Variants in SNX29 observed in about 807,000 individuals in gnomAD.
SNX29 encodes sorting nexin-29.
In SNX29, 78 loss-of-function variants were observed where a neutral mutation model predicts 102.1. That is an observed-to-expected ratio of 0.76 (90% CI 0.64 to 0.92). The LOEUF (loss-of-function observed/expected upper bound fraction) is 0.92. Ranked by LOEUF, SNX29 falls within the 40% of genes least tolerant of loss-of-function variation. The pLI is 0.00. For synonymous variants in SNX29, 580 were observed against 414.5 expected, an observed-to-expected ratio of 1.40 and a Z score of -4.85; for missense variants, 1,280 against 1,061.7, an observed-to-expected ratio of 1.21 and a Z score of -2.86.
chr16:12,273,159 C>T lies in SNX29; in HGVS notation c.1679-4774C>T, dbSNP rs182986884. Among the ~76,000 whole-genome samples, 188 of 152,196 alleles carry T rather than the reference C, an allele frequency of 1.2e-3. 1 individual carries two copies. Among genetic ancestry groups the T allele is most frequent in the African/African-American group, 4.1e-3 (171 of 41,524 alleles). ...CCTTCAGGCACTGTAGGCCGCCTCC[C>T]GCTTGCACCCAAGGCAGTCTCTCCT... is the stretch of plus-strand genomic sequence containing the variant. On this transcript the variant is annotated intron_variant, in intron 14 of 20. Coordinates refer to ENST00000566228, the MANE Select transcript of SNX29 (RefSeq NM_032167.5).
rs1424394816 is a variant in SNX29, at chr16:12,527,437, T to A, written c.2318+2596T>A. On this transcript the variant is annotated intron_variant, in intron 20 of 20. Transcript: ENST00000566228. ...TTATTCTTATAAATTTTGACAGATT[T>A]TCTCCTTGGTTCTTTCAAATGTTGA... 6 of 431,622 alleles carry A rather than the reference T, an allele frequency of 1.4e-5. No individual in the cohort carries two copies. In the Admixed American group the frequency reaches 2.0e-4, roughly 15 times the overall value. The allele number at this position is 431,622 out of a possible 1,614,324, so 26.7% of individuals were successfully genotyped here.
At chr16:12,458,935 A>G (rs1005581508) in intron 18 of SNX29, among the ~76,000 whole-genome samples, 2 of 152,234 alleles carry the variant, frequency 1.3e-5, no homozygotes, top group African/African-American at 4.8e-5. Flanking sequence ...TGGCTAAAAC[A>G]AAACAATTTT....
intron 15 of SNX29, among the ~76,000 whole-genome samples, chr16:12,347,126 A>G (rs2081836937): frequency 1.3e-5 from 2 of 152,052 alleles, no homozygotes; most frequent in South Asian, 4.1e-4. Context: ...GGCTTGTTGC[A>G]GAGGTGATCA....
At chr16:12,202,146 A>T (rs7204349) in intron 14 of SNX29, among the ~76,000 whole-genome samples, 10,346 of 152,166 alleles carry the variant, frequency 0.068, 849 homozygotes, top group African/African-American at 0.2. Flanking sequence ...ATTCTTGTGT[A>T]AAAAGCCTCC....
chr16:12,073,351 C>T lies in SNX29; in HGVS notation c.1319+4219C>T, dbSNP rs1346383774. ...TCTACACACTGCTTCAAATGTGTCC[C>T]AGAGATTCTGGTATGTTGTGTCTTT... On this transcript the variant is annotated intron_variant, in intron 10 of 20. Coordinates refer to ENST00000566228, the MANE Select transcript of SNX29 (RefSeq NM_032167.5). Among the ~76,000 whole-genome samples, 3 of 152,026 alleles carry T rather than the reference C, an allele frequency of 2.0e-5. No homozygotes were observed. In the East Asian group the frequency reaches 5.8e-4, roughly 29 times the overall value.
intron 14 of SNX29, among the ~76,000 whole-genome samples, chr16:12,263,408 G>T (rs1213280306): frequency 6.6e-6 from 1 of 152,184 alleles, no homozygotes; most frequent in East Asian, 1.9e-4. Flanking sequence ...AATTACAGGT[G>T]TGAGCCACCG....
intron 15 of SNX29, among the ~76,000 whole-genome samples, chr16:12,331,535 C>T (rs1420444137): frequency 6.6e-6 from 1 of 152,102 alleles, no homozygotes; most frequent in Non-Finnish European, 1.5e-5. Flanking sequence ...GAAATGAGAA[C>T]ACAGAAGACC....
At chr16:12,249,964 G>A (rs1010005662) in intron 14 of SNX29, among the ~76,000 whole-genome samples, 1 of 152,208 alleles carries the variant, frequency 6.6e-6, no homozygotes, top group African/African-American at 2.4e-5. Context: ...GGAGTTGGCA[G>A]GTGGGGAGGG....
rs1001870748 is a variant in SNX29, at chr16:12,511,569, A to T, written c.2179-13133A>T. ...AGCCCTTGTTCCTTTCCTGAAATAG[A>T]GACATGCTTTCCTCCCTGTGTTTGC... On this transcript the variant is annotated intron_variant, in intron 19 of 20. Coordinates refer to ENST00000566228, the MANE Select transcript of SNX29 (RefSeq NM_032167.5). Among the ~76,000 whole-genome samples, 3 of 152,178 alleles carry T rather than the reference A, an allele frequency of 2.0e-5. No individual in the cohort carries two copies. The South Asian group carries it at 6.2e-4, about 32-fold the overall frequency.
intron 11 of SNX29, chr16:12,081,429 A>G (rs1409809948): frequency 6.6e-6 from 1 of 152,214 alleles, no homozygotes; most frequent in African/African-American, 2.4e-5. Flanking sequence ...TCCTGCCATC[A>G]GGATGCTCTT....
At position 12,141,688 on chromosome 16, in the gene SNX29, T is replaced by C. The variant is rs539569186; in HGVS notation, c.1595+11930T>C. ...TTGCCGTGGCATTTGTAAACTGTCA[T>C]GGTGCTGGTGGGAATGTCCTTAGCA... On this transcript the variant is annotated intron_variant, in intron 13 of 20. Coordinates refer to ENST00000566228, the MANE Select transcript of SNX29 (RefSeq NM_032167.5). Among the ~76,000 whole-genome samples, 133 of 152,358 alleles carry C rather than the reference T, an allele frequency of 8.7e-4. 1 individual carries two copies. The highest frequency in any genetic ancestry group is 2.9e-3 in the African/African-American group (122 of 41,582).
intron 15 of SNX29, 150 bp from the exon 16 acceptor site, chr16:12,356,013 G>C: frequency 1.5e-6 from 1 of 655,464 alleles, no homozygotes; most frequent in Non-Finnish European, 2.7e-6. Context: ...GGATTGCATG[G>C]TTCACAGGTA....
At chr16:12,017,374 A>C (rs2056883100) in intron 3 of SNX29, among the ~76,000 whole-genome samples, 1 of 151,716 alleles carries the variant, frequency 6.6e-6, no homozygotes. Flanking sequence ...TGATTTCTTC[A>C]CCTTCTGTGC....
intron 20 of SNX29, among the ~76,000 whole-genome samples, chr16:12,566,052 T>C (rs2078991057): frequency 6.6e-6 from 1 of 152,242 alleles, no homozygotes; most frequent in Non-Finnish European, 1.5e-5. Context: ...GAATGTTCAC[T>C]GTTGCCCATT....
rs1596454076 is a variant in SNX29, at chr16:12,183,321, A to T, written c.1596-16280A>T. Among the ~76,000 whole-genome samples the T allele has an allele frequency of 1.3e-5, 2 of 152,208 alleles. 1 individual carries two copies. The highest frequency in any genetic ancestry group is 6.8e-3 in the Middle Eastern group (2 of 294). On this transcript the variant is annotated intron_variant, in intron 13 of 20. Coordinates refer to ENST00000566228, the MANE Select transcript of SNX29 (RefSeq NM_032167.5). ...TAGACAAATACTTTGTATTTTTTTT[A>T]AATTTCCTTTTTATTTTGAGAAATT...
At chr16:12,155,889 G>A (rs557968876) in intron 13 of SNX29, among the ~76,000 whole-genome samples, 4 of 152,308 alleles carry the variant, frequency 2.6e-5, no homozygotes, top group African/African-American at 9.6e-5. Flanking sequence ...TCACTCCTCT[G>A]CTCAAGATCC....
rs2162794 is a variant in SNX29 at position 12,559,206 on chromosome 16, G to A, written c.2319-9300G>A. Among the ~76,000 whole-genome samples the A allele has an allele frequency of 4.9e-4, 75 of 151,950 alleles. 1 individual carries two copies. Among genetic ancestry groups the A allele is most frequent in the Middle Eastern group, 6.8e-3 (2 of 294 alleles). On this transcript the variant is annotated intron_variant, in intron 20 of 20. Coordinates refer to ENST00000566228, the MANE Select transcript of SNX29 (RefSeq NM_032167.5). ...CTGGGCTACACAGTGGGTGAGCAGC[G>A]CTTCGTCTGTATTTACAGCCACTCC...
chr16:12,545,790 T>C (rs2077570685), intron 20 of SNX29, among the ~76,000 whole-genome samples: 1 of 151,872 alleles, frequency 6.6e-6, no homozygotes, highest in Non-Finnish European at 1.5e-5. Flanking sequence ...CTTTCACCAC[T>C]AGGCATACAG....
At chr16:12,248,028 G>A (rs1193046309) in intron 14 of SNX29, among the ~76,000 whole-genome samples, 2 of 152,176 alleles carry the variant, frequency 1.3e-5, no homozygotes, top group Non-Finnish European at 2.9e-5. Context: ...ATCAGATGCT[G>A]AGATTGTCAC....
Sources: gnomAD v4.1 joint callset for allele counts (sites outside exome capture counted in the v4.1 genomes callset) on GRCh38, gnomAD v4.1.1 for gene constraint, MANE v1.5 for transcripts, NCBI Gene and HGNC (gene_info 2026-07-23, HGNC 2026-07-21) for gene names.